The following LHFPL6 variants were observed in gnomAD, a reference collection of about 807,000 sequenced individuals.
The protein encoded by LHFPL6 is LHFPL tetraspan subfamily member 6, also known as LHFPL tetraspan subfamily member 6 protein.
Under a neutral mutation model 20.6 loss-of-function variants are expected in LHFPL6, and 9 were observed. The ratio of observed to expected loss-of-function variants is 0.44; its 90% confidence interval spans 0.26 to 0.76. The LOEUF (loss-of-function observed/expected upper bound fraction) is 0.76. Ranked by LOEUF, LHFPL6 falls within the 30% of genes least tolerant of loss-of-function variation. LHFPL6 has a pLI of 0.20. For synonymous variants in LHFPL6, 105 were observed against 98.7 expected, an observed-to-expected ratio of 1.06 and a Z score of -0.38; for missense variants, 218 against 253.5, an observed-to-expected ratio of 0.86 and a Z score of 0.95.
At chr13:39,503,205 T>C (rs74788423) in intron 2 of LHFPL6, among the ~76,000 whole-genome samples, 51 of 152,306 alleles carry the variant, frequency 3.3e-4, no homozygotes, top group African/African-American at 1.1e-3. Flanking sequence ...ACTGGACACA[T>C]CGCTCCCTCC....
chr13:39,420,262 C>T (rs974134549), intron 2 of LHFPL6, among the ~76,000 whole-genome samples: 4 of 152,202 alleles, frequency 2.6e-5, no homozygotes, highest in African/African-American at 9.7e-5. Context: ...CAGAGTACGC[C>T]TTTGCCCATC....
chr13:39,563,332 C>T (rs944511459), intron 2 of LHFPL6, among the ~76,000 whole-genome samples: 2 of 152,040 alleles, frequency 1.3e-5, no homozygotes, highest in African/African-American at 4.8e-5. Flanking sequence ...GAAAACCCCT[C>T]TGTGACAGTC....
intron 2 of LHFPL6, among the ~76,000 whole-genome samples, chr13:39,544,862 G>C (rs143652629): frequency 6.6e-6 from 1 of 151,868 alleles, no homozygotes. Flanking sequence ...TTATATAAAG[G>C]TTATTTAATA....
At position 39,501,565 on chromosome 13, in the gene LHFPL6, C is replaced by T. The variant is rs142202958; in HGVS notation, c.385+99267G>A. On this transcript the variant is annotated intron_variant, in intron 2 of 3. Coordinates refer to ENST00000379589, the MANE Select transcript of LHFPL6 (RefSeq NM_005780.3). ...CCTACAAAACATATTGAGGCTTCCC[C>T]CCAGGCTCTATCTATGGGATTCTCA... 1.1e-3 allele frequency among the ~76,000 whole-genome samples: 161 copies of T among 152,264 alleles called. 1 individual carries two copies. The highest frequency in any genetic ancestry group is 3.5e-3 in the African/African-American group (147 of 41,540).
chr13:39,468,966 A>G (rs7999971), intron 2 of LHFPL6, among the ~76,000 whole-genome samples: 23,819 of 152,010 alleles, frequency 0.16, 3,485 homozygotes, highest in East Asian at 0.51. Flanking sequence ...TGCTAGAAAT[A>G]TTTTAACTAA....
At chr13:39,446,567 A>G (rs1872296294) in intron 2 of LHFPL6, among the ~76,000 whole-genome samples, 1 of 151,952 alleles carries the variant, frequency 6.6e-6, no homozygotes, top group Admixed American at 6.6e-5. Context: ...TCGTGTCCCA[A>G]CTGTGTACCA....
chr13:39,431,872 T>C (rs944011882), intron 2 of LHFPL6, among the ~76,000 whole-genome samples: 3 of 151,384 alleles, frequency 2.0e-5, no homozygotes, highest in Admixed American at 2.0e-4. Flanking sequence ...ATCCCTCCCA[T>C]TTTTTTTTCC....
chr13:39,546,186 G>T (rs1044176944), intron 2 of LHFPL6, among the ~76,000 whole-genome samples: 8 of 152,068 alleles, frequency 5.3e-5, no homozygotes, highest in Admixed American at 6.5e-5. Context: ...GATGAGATTA[G>T]ATATAAGAAA....
chr13:39,592,661 C>T (rs1411416152), intron 2 of LHFPL6, among the ~76,000 whole-genome samples: 1 of 152,088 alleles, frequency 6.6e-6, no homozygotes, highest in Non-Finnish European at 1.5e-5. Context: ...CTGGCAGAGA[C>T]ACGACAAAAA....
chr13:39,464,709 T>TC (rs1055733594), intron 2 of LHFPL6, among the ~76,000 whole-genome samples: 147 of 152,030 alleles, frequency 9.7e-4, no homozygotes, highest in South Asian at 3.9e-3. Context: ...TCTTTTTTTT[T>TC]TTTTTTTGTC....
At chr13:39,592,783 T>C (rs1270955461) in intron 2 of LHFPL6, among the ~76,000 whole-genome samples, 1 of 152,200 alleles carries the variant, frequency 6.6e-6, no homozygotes, top group Non-Finnish European at 1.5e-5. Flanking sequence ...CATGATCAAG[T>C]GGGCTTCATC....
chr13:39,595,022 A>T (rs1872725592), intron 2 of LHFPL6, among the ~76,000 whole-genome samples: 3 of 152,184 alleles, frequency 2.0e-5, no homozygotes, highest in African/African-American at 7.2e-5. Flanking sequence ...ATGTTAAATG[A>T]CGAGTTAATG....
intron 2 of LHFPL6, among the ~76,000 whole-genome samples, chr13:39,472,365 G>A (rs1306593399): frequency 6.6e-6 from 1 of 152,024 alleles, no homozygotes; most frequent in Non-Finnish European, 1.5e-5. Flanking sequence ...CTCCTTGGAT[G>A]TTTTCAAGGA....
intron 2 of LHFPL6, among the ~76,000 whole-genome samples, chr13:39,417,160 C>A (rs183344525): frequency 1.3e-5 from 2 of 152,248 alleles, no homozygotes; most frequent in Non-Finnish European, 2.9e-5. Context: ...TTGGAATCAT[C>A]CTGCCTTATT....
At chr13:39,492,423 A>G (rs1868956818) in intron 2 of LHFPL6, among the ~76,000 whole-genome samples, 1 of 152,230 alleles carries the variant, frequency 6.6e-6, no homozygotes, top group Non-Finnish European at 1.5e-5. Context: ...ATACATTTAT[A>G]GTTAAATGCT....
chr13:39,579,945 A>G (rs1872229866), intron 2 of LHFPL6, among the ~76,000 whole-genome samples: 2 of 152,190 alleles, frequency 1.3e-5, no homozygotes, highest in African/African-American at 4.8e-5. Context: ...TTCCCATAGT[A>G]CCTATCACAG....
intron 2 of LHFPL6, among the ~76,000 whole-genome samples, chr13:39,595,964 C>T (rs555151063): frequency 6.6e-6 from 1 of 152,246 alleles, no homozygotes; most frequent in Non-Finnish European, 1.5e-5. Flanking sequence ...ATCTATAGTA[C>T]GGTCTTCCTA....
In LHFPL6 at chr13:39,603,143, T is replaced by C. The variant is rs1360076715; in HGVS notation, c.-435A>G. The C allele has an allele frequency of 6.6e-6, 1 of 152,280 alleles. No homozygotes were observed. Among genetic ancestry groups the C allele is most frequent in the African/African-American group, 2.4e-5 (1 of 41,442 alleles). 9.4% of individuals were successfully genotyped at this position (152,280 alleles called of 1,614,324 possible). A position where few individuals can be genotyped will look rare whatever the true frequency, so the allele number is the denominator to read the frequency against. On this transcript the variant is annotated 5_prime_UTR_variant, in exon 1 of 4. Transcript: ENST00000379589. ...CGGCGGCAGCTCTGGCGGAGCGCTG[T>C]GGGCGCGCGCGGGCGCCGGGGATCG...
chr13:39,561,020 TC>T (rs1474571750), intron 2 of LHFPL6, among the ~76,000 whole-genome samples: 1 of 151,928 alleles, frequency 6.6e-6, no homozygotes, highest in Non-Finnish European at 1.5e-5. Context: ...CCCATCACCT[TC>T]CTCTGCATTC....
Sources: allele counts gnomAD v4.1 joint callset (sites outside exome capture counted in the v4.1 genomes callset), GRCh38; gene constraint gnomAD v4.1.1; transcripts MANE v1.5; gene names NCBI Gene and HGNC (gene_info 2026-07-23, HGNC 2026-07-21).